Variants in SERGEF observed in about 807,000 individuals in gnomAD.
SERGEF encodes secretion regulating guanine nucleotide exchange factor, also known as secretion-regulating guanine nucleotide exchange factor.
SERGEF carries 51 observed loss-of-function variants against 50.0 expected under a neutral mutation model. That is an observed-to-expected ratio of 1.02 (90% confidence interval 0.81 to 1.29). SERGEF has a LOEUF of 1.29. Among genes scored for constraint, SERGEF ranks in the 50% most tolerant of loss-of-function variants. The probability of loss-of-function intolerance (pLI) is 0.00; values close to 1 mark genes in which losing one functional copy is unlikely to be tolerated. For missense variants in SERGEF, 521 were observed against 557.0 expected (o/e 0.94, Z 0.65); for synonymous variants, 205 against 212.4 (o/e 0.97, Z 0.30).
chr11:17,944,217 G>A (rs781042859), intron 9 of SERGEF, among the ~76,000 whole-genome samples: 9 of 152,130 alleles, frequency 5.9e-5, no homozygotes, highest in South Asian at 2.1e-4. Context: ...GTCAGCCACC[G>A]TGCCCGGCCT....
chr11:17,997,947 T>G (rs769341155), intron 5 of SERGEF, among the ~76,000 whole-genome samples: 5 of 152,110 alleles, frequency 3.3e-5, no homozygotes, highest in Non-Finnish European at 7.3e-5. Flanking sequence ...GTTCTGGAGA[T>G]GGATGGTGGT....
chr11:17,793,591 A>C (rs1401272462), intron 10 of SERGEF, among the ~76,000 whole-genome samples: 1 of 152,222 alleles, frequency 6.6e-6, no homozygotes, highest in Non-Finnish European at 1.5e-5. Context: ...AGCGACATGG[A>C]ACATGGAACG....
intron 9 of SERGEF, among the ~76,000 whole-genome samples, chr11:17,949,925 T>G (rs1461711364): frequency 6.6e-6 from 1 of 152,156 alleles, no homozygotes; most frequent in Admixed American, 6.5e-5. Context: ...TAGGTAGTAG[T>G]TGTCCAAGGA....
chr11:17,793,322 G>A, intron 10 of SERGEF, among the ~76,000 whole-genome samples: 1 of 152,198 alleles, frequency 6.6e-6, no homozygotes, highest in East Asian at 1.9e-4. Context: ...GAAAAAAAAA[G>A]CCAGGATGCT....
intron 10 of SERGEF, among the ~76,000 whole-genome samples, chr11:17,830,624 GA>G (rs1850281522): frequency 2.2e-5 from 3 of 136,576 alleles, no homozygotes; most frequent in Non-Finnish European, 3.1e-5. Context: ...GAGAGAGAGA[GA>G]GGGAAAGGGG....
intron 9 of SERGEF, among the ~76,000 whole-genome samples, chr11:17,908,191 T>C (rs1851886934): frequency 6.6e-6 from 1 of 152,176 alleles, no homozygotes; most frequent in African/African-American, 2.4e-5. Flanking sequence ...TGGCCCCTCA[T>C]CACCTTCAGA....
At chr11:17,996,742 A>C (rs1853844918) in intron 5 of SERGEF, among the ~76,000 whole-genome samples, 1 of 152,186 alleles carries the variant, frequency 6.6e-6, no homozygotes, top group Non-Finnish European at 1.5e-5. Context: ...AGCTATGACC[A>C]CTGAGCACAA....
chr11:17,814,121 T>A (rs1464106194), intron 10 of SERGEF, among the ~76,000 whole-genome samples: 1 of 152,232 alleles, frequency 6.6e-6, no homozygotes, highest in Non-Finnish European at 1.5e-5. Context: ...CCTTACATGG[T>A]ATGATGGTTA....
intron 10 of SERGEF, among the ~76,000 whole-genome samples, chr11:17,849,714 C>T (rs911284328): frequency 1.3e-5 from 2 of 152,150 alleles, no homozygotes; most frequent in African/African-American, 4.8e-5. Context: ...CTTAAAATTA[C>T]CCCCAGCAAG....
chr11:17,966,709 A>G (rs1468173720), intron 8 of SERGEF, among the ~76,000 whole-genome samples: 1 of 152,228 alleles, frequency 6.6e-6, no homozygotes, highest in African/African-American at 2.4e-5. Flanking sequence ...AAGTCGTATC[A>G]TAAACAATAT....
At chr11:17,816,738 G>T (rs1370712105) in intron 10 of SERGEF, among the ~76,000 whole-genome samples, 1 of 152,200 alleles carries the variant, frequency 6.6e-6, no homozygotes, top group Non-Finnish European at 1.5e-5. Context: ...GTCCTGCAGA[G>T]TCTTGTCTCT....
intron 8 of SERGEF, among the ~76,000 whole-genome samples, chr11:17,981,828 C>T (rs1372676027): frequency 1.3e-5 from 2 of 151,906 alleles, no homozygotes; most frequent in Admixed American, 1.3e-4. Flanking sequence ...TGAGACAGGG[C>T]CTCACTCTGT....
intron 10 of SERGEF, among the ~76,000 whole-genome samples, chr11:17,846,373 T>A (rs1850611518): frequency 1.3e-5 from 2 of 151,828 alleles, no homozygotes; most frequent in South Asian, 4.2e-4. Context: ...GGAAATCAGG[T>A]GGTTGGTTTG....
intron 10 of SERGEF, among the ~76,000 whole-genome samples, chr11:17,870,874 T>C (rs185838698): frequency 1.4e-3 from 208 of 152,276 alleles, no homozygotes; most frequent in African/African-American, 4.0e-3. Flanking sequence ...GATACTAGCA[T>C]ACAAACGGAA....
intron 10 of SERGEF, among the ~76,000 whole-genome samples, chr11:17,813,292 T>C (rs1849906794): frequency 6.6e-6 from 1 of 152,178 alleles, no homozygotes; most frequent in Non-Finnish European, 1.5e-5. Flanking sequence ...AGGTGGAGTT[T>C]TGTTTCCAGA....
intron 10 of SERGEF, among the ~76,000 whole-genome samples, chr11:17,811,778 T>C (rs1849878739): frequency 6.6e-6 from 1 of 152,156 alleles, no homozygotes; most frequent in African/African-American, 2.4e-5. Context: ...AGAAACAAAT[T>C]CAGTCCTTCA....
chr11:17,822,174 C>T (rs1850098537), intron 10 of SERGEF, among the ~76,000 whole-genome samples: 1 of 152,188 alleles, frequency 6.6e-6, no homozygotes, highest in Non-Finnish European at 1.5e-5. Context: ...AGCAACATTT[C>T]ATCATTAGGA....
intron 8 of SERGEF, among the ~76,000 whole-genome samples, chr11:17,979,029 G>A (rs1349954345): frequency 6.6e-6 from 1 of 152,264 alleles, no homozygotes; most frequent in African/African-American, 2.4e-5. Flanking sequence ...TAATGATAAC[G>A]CTTCATCTCT....
intron 10 of SERGEF, among the ~76,000 whole-genome samples, chr11:17,852,784 T>A (rs1250259022): frequency 6.6e-6 from 1 of 152,160 alleles, no homozygotes; most frequent in African/African-American, 2.4e-5. Flanking sequence ...GATGTTAGTA[T>A]CTCCATTTTA....
Sources: allele counts gnomAD v4.1 joint callset (sites outside exome capture counted in the v4.1 genomes callset), GRCh38; gene constraint gnomAD v4.1.1; transcripts MANE v1.5; gene names NCBI Gene and HGNC (gene_info 2026-07-23, HGNC 2026-07-21).